Variants in PCBD2 observed in about 807,000 individuals in gnomAD.
PCBD2 encodes the protein pterin-4-alpha-carbinolamine dehydratase 2.
In PCBD2, 12 loss-of-function variants were observed where a neutral mutation model predicts 16.4. The observed-to-expected ratio is 0.73, with a 90% CI of 0.47 to 1.19. PCBD2 has a LOEUF of 1.19. Among genes scored for constraint, PCBD2 ranks in the 50% most tolerant of loss-of-function variants. The probability of loss-of-function intolerance (pLI) is 0.00; values close to 1 mark genes in which losing one functional copy is unlikely to be tolerated. For synonymous variants in PCBD2, 58 were observed against 61.8 expected, an observed-to-expected ratio of 0.94 and a Z score of 0.29; for missense variants, 138 against 156.8, an observed-to-expected ratio of 0.88 and a Z score of 0.64.
At chr5:134,958,950 G>T in intron 2 of PCBD2, 90 bp from the exon 3 acceptor site, 1 of 967,214 alleles carries the variant, frequency 1.0e-6, no homozygotes, top group Admixed American at 2.1e-5. Context: ...ATCCTTGCCT[G>T]CCTTTATGTG....
chr5:134,912,072 G>C (rs923655664), intron 2 of PCBD2, among the ~76,000 whole-genome samples: 4 of 152,156 alleles, frequency 2.6e-5, no homozygotes, highest in African/African-American at 9.7e-5. Context: ...TTCTGACCTT[G>C]CGCTCAGGGT....
At chr5:134,953,015 A>T (rs932213278) in intron 2 of PCBD2, among the ~76,000 whole-genome samples, 2 of 152,006 alleles carry the variant, frequency 1.3e-5, no homozygotes, top group African/African-American at 4.8e-5. Flanking sequence ...TAGCCTGTTC[A>T]ATATAATTTA....
At chr5:134,948,930 TCA>T (rs912761715) in intron 2 of PCBD2, among the ~76,000 whole-genome samples, 3 of 152,188 alleles carry the variant, frequency 2.0e-5, no homozygotes, top group African/African-American at 7.2e-5. Flanking sequence ...GATGTTGTCT[TCA>T]GTGCCTGGAG....
chr5:134,928,530 A>G (rs1751050011), intron 2 of PCBD2: 1 of 279,818 alleles, frequency 3.6e-6, no homozygotes, highest in African/African-American at 2.2e-5. Flanking sequence ...AAAAGGAGTG[A>G]AGGGTATTAA....
At chr5:134,945,347 C>T (rs1298449567) in intron 2 of PCBD2, among the ~76,000 whole-genome samples, 1 of 152,086 alleles carries the variant, frequency 6.6e-6, no homozygotes, top group Non-Finnish European at 1.5e-5. Context: ...GTGATTGCTC[C>T]GTGGCAGAAC....
intron 2 of PCBD2, among the ~76,000 whole-genome samples, chr5:134,914,200 C>A (rs1293555612): frequency 6.6e-6 from 1 of 152,088 alleles, no homozygotes; most frequent in South Asian, 2.1e-4. Flanking sequence ...TAGGCCGTTA[C>A]ATTCATCCTG....
At chr5:134,924,673 A>G (rs1453033419) in intron 2 of PCBD2, 7 of 396,564 alleles carry the variant, frequency 1.8e-5, no homozygotes, top group Non-Finnish European at 2.7e-5. Context: ...TAGGGTTAGG[A>G]TGAGTGGGAA....
At chr5:134,908,124 G>A (rs1054585894) in intron 1 of PCBD2, among the ~76,000 whole-genome samples, 78 of 150,378 alleles carry the variant, frequency 5.2e-4, no homozygotes, top group Non-Finnish European at 6.8e-4. Flanking sequence ...GTCTCATTGC[G>A]TTGCCCAGGC....
intron 2 of PCBD2, among the ~76,000 whole-genome samples, chr5:134,941,965 CA>C (rs758717376): frequency 0.016 from 2,202 of 134,356 alleles, 35 homozygotes; most frequent in African/African-American, 0.049. Context: ...AAAAAAGTAC[CA>C]AAAAAAAAAA....
At chr5:134,942,524 T>C (rs1561913306) in intron 2 of PCBD2, among the ~76,000 whole-genome samples, 1 of 152,264 alleles carries the variant, frequency 6.6e-6, no homozygotes, top group Non-Finnish European at 1.5e-5. Flanking sequence ...GACTCTGAGA[T>C]ACACTCAGAT....
At chr5:134,931,235 G>A (rs936677935) in intron 2 of PCBD2, among the ~76,000 whole-genome samples, 13 of 152,210 alleles carry the variant, frequency 8.5e-5, no homozygotes, top group African/African-American at 2.9e-4. Flanking sequence ...TAACTTGGTG[G>A]TGTGCTATAA....
At chr5:134,912,527 C>T (rs1319699333) in intron 2 of PCBD2, among the ~76,000 whole-genome samples, 1 of 152,076 alleles carries the variant, frequency 6.6e-6, no homozygotes, top group Admixed American at 6.6e-5. Flanking sequence ...AAATGGGCAA[C>T]TCTGTCATTT....
intron 2 of PCBD2, chr5:134,924,101 G>A (rs1014092809): frequency 5.0e-6 from 2 of 397,802 alleles, no homozygotes; most frequent in African/African-American, 4.1e-5. Context: ...CATTGGTCGT[G>A]GTTGTAGCCC....
At position 134,960,577 on chromosome 5, in the gene PCBD2, T is replaced by G. The variant is rs1198420975; in HGVS notation, c.298-9T>G. On this transcript the variant is annotated splice_polypyrimidine_tract_variant and intron_variant, in intron 3 of 3. Coordinates refer to ENST00000254908, the MANE Select transcript of PCBD2 (RefSeq NM_032151.5). ...TCAGAGTTTTAAAAACTGCTTTTCT[T>G]TTTCTTAGGTCCAGATAACTCTCAC... 1 of 1,582,228 alleles carries G rather than the reference T, an allele frequency of 6.3e-7. No individual in the cohort carries two copies. The highest frequency in any genetic ancestry group is 1.4e-5 in the African/African-American group (1 of 73,574).
At chr5:134,913,932 G>A (rs1458103255) in intron 2 of PCBD2, among the ~76,000 whole-genome samples, 10 of 152,158 alleles carry the variant, frequency 6.6e-5, no homozygotes, top group Non-Finnish European at 1.2e-4. Context: ...TGGAAGATGG[G>A]GTGCAAGGTG....
At chr5:134,936,965 G>A (rs9327696) in intron 2 of PCBD2, among the ~76,000 whole-genome samples, 2,270 of 152,236 alleles carry the variant, frequency 0.015, 57 homozygotes, top group African/African-American at 0.053. Flanking sequence ...AGGAAAAATG[G>A]CTATAATTTA....
intron 2 of PCBD2, among the ~76,000 whole-genome samples, chr5:134,948,231 A>T (rs1407248637): frequency 6.6e-6 from 1 of 152,256 alleles, no homozygotes; most frequent in African/African-American, 2.4e-5. Context: ...ATAGTAGCTG[A>T]TGAAGATATG....
Position 134,960,790 on chromosome 5 carries a change from A to T in PCBD2, c.*109A>T, listed in dbSNP as rs1751465868. ...GTTCTTTTTCTCTTTTTTTTAAGAC[A>T]GAGTGTTGCTCTGTCGCCCAGGCCA... On this transcript the variant is annotated 3_prime_UTR_variant, in exon 4 of 4. Coordinates refer to ENST00000254908, the MANE Select transcript of PCBD2 (RefSeq NM_032151.5). 1.1e-6 allele frequency: 1 copy of T among 937,346 alleles called. No individual in the cohort carries two copies. Among genetic ancestry groups the T allele is most frequent in the Non-Finnish European group, 1.6e-6 (1 of 616,638 alleles). The allele number at this position is 937,346 out of a possible 1,614,324, so 58.1% of individuals were successfully genotyped here.
intron 2 of PCBD2, among the ~76,000 whole-genome samples, chr5:134,949,014 CAAGTAG>C (rs1751330452): frequency 1.3e-5 from 2 of 152,018 alleles, no homozygotes; most frequent in African/African-American, 4.8e-5. Context: ...TGTGGCGGAT[CAAGTAG>C]ATGGCAAGTA....
Sources: allele counts gnomAD v4.1 joint callset (sites outside exome capture counted in the v4.1 genomes callset), GRCh38; gene constraint gnomAD v4.1.1; transcripts MANE v1.5; gene names NCBI Gene and HGNC (gene_info 2026-07-23, HGNC 2026-07-21).